TRPC5: variants seen among roughly 807,000 people sequenced by gnomAD.
The protein encoded by TRPC5 is transient receptor potential cation channel subfamily C member 5.
Under a neutral mutation model 56.5 loss-of-function variants are expected in TRPC5, and 9 were observed. The observed-to-expected ratio is 0.16, with a 90% CI of 0.10 to 0.28. The LOEUF is 0.28. Among genes scored for constraint, TRPC5 ranks in the 10% least tolerant of loss-of-function variants. The pLI, the probability that TRPC5 is intolerant of heterozygous loss-of-function variation, is 1.00. For missense variants in TRPC5, 469 were observed against 748.9 expected (o/e 0.63, Z 4.36); for synonymous variants, 282 against 278.5 (o/e 1.01, Z -0.13).
In TRPC5 at chrX:111,769,474, A is replaced by G. The variant is rs1490217211; in HGVS notation, c.*6839T>C. Among the ~76,000 whole-genome samples the G allele has an allele frequency of 8.9e-6, 1 of 111,765 alleles. No homozygotes were observed. Among genetic ancestry groups the G allele is most frequent in the Non-Finnish European group, 1.9e-5 (1 of 53,148 alleles). On this transcript the variant is annotated 3_prime_UTR_variant, in exon 11 of 11. Coordinates refer to ENST00000262839, the MANE Select transcript of TRPC5 (RefSeq NM_012471.3). The stretch of plus-strand genomic sequence containing the variant: ...CCAAGCATAATTGAAACTAGATTCC[A>G]GGATACAAAGGAGAACAAGCATTCT...
At chrX:112,004,414 C>T (rs1928779372) in intron 1 of TRPC5, among the ~76,000 whole-genome samples, 1 of 111,837 alleles carries the variant, frequency 8.9e-6, no homozygotes, top group Non-Finnish European at 1.9e-5. Flanking sequence ...ATGCTGAAGG[C>T]AATCCTGTTC....
chrX:111,978,165 C>T (rs1331667316), intron 1 of TRPC5, among the ~76,000 whole-genome samples: 3 of 111,785 alleles, frequency 2.7e-5, no homozygotes, highest in Non-Finnish European at 5.7e-5. Context: ...AATATTCACT[C>T]CTATGTTCAT....
At chrX:112,012,850 C>A (rs1929026708) in intron 1 of TRPC5, among the ~76,000 whole-genome samples, 1 of 111,899 alleles carries the variant, frequency 8.9e-6, no homozygotes, top group African/African-American at 3.3e-5. Flanking sequence ...TCCTAATGAA[C>A]ACAAGCAGCT....
intron 2 of TRPC5, among the ~76,000 whole-genome samples, chrX:111,914,894 A>G (rs1441209664): frequency 9.0e-6 from 1 of 111,541 alleles, no homozygotes; most frequent in Non-Finnish European, 1.9e-5. Context: ...GCGAGCTCAG[A>G]TGAGAAATCT....
At chrX:111,883,101 A>G (rs1170141933) in intron 3 of TRPC5, among the ~76,000 whole-genome samples, 2 of 110,640 alleles carry the variant, frequency 1.8e-5, no homozygotes, top group East Asian at 5.7e-4. Flanking sequence ...AAAAAAAAAA[A>G]AAAGACCTAG....
chrX:111,875,727 G>GA (rs1221195148), intron 3 of TRPC5, among the ~76,000 whole-genome samples: 7 of 109,318 alleles, frequency 6.4e-5, no homozygotes, highest in South Asian at 4.0e-4. Flanking sequence ...AGCAACTGTA[G>GA]AAAAAAATAA....
At chrX:111,943,480 C>G (rs922405498) in intron 2 of TRPC5, among the ~76,000 whole-genome samples, 1 of 112,028 alleles carries the variant, frequency 8.9e-6, no homozygotes, top group Non-Finnish European at 1.9e-5. Context: ...AACATAAACA[C>G]TTATCAGTGT....
intron 1 of TRPC5, among the ~76,000 whole-genome samples, chrX:112,022,326 C>T (rs145127328): frequency 3.8e-4 from 43 of 112,051 alleles, no homozygotes; most frequent in African/African-American, 5.8e-4. Flanking sequence ...TTGGTTGAAA[C>T]GAAAAGCTGA....
At chrX:111,938,274 C>A (rs1234298070) in intron 2 of TRPC5, among the ~76,000 whole-genome samples, 8 of 91,908 alleles carry the variant, frequency 8.7e-5, no homozygotes, top group Non-Finnish European at 8.5e-5. Context: ...TCTAGATATA[C>A]AATCATGTCG....
chrX:112,025,069 C>T (rs1243127711), intron 1 of TRPC5, among the ~76,000 whole-genome samples: 2 of 112,041 alleles, frequency 1.8e-5, no homozygotes, highest in Admixed American at 1.9e-4. Context: ...ACACAAACCC[C>T]TTGCTTTCTT....
At chrX:111,967,379 A>C (rs1927624078) in intron 1 of TRPC5, among the ~76,000 whole-genome samples, 1 of 111,059 alleles carries the variant, frequency 9.0e-6, no homozygotes, top group South Asian at 3.9e-4. Context: ...AGGAAGAATC[A>C]ATATCGTGAA....
intron 6 of TRPC5, among the ~76,000 whole-genome samples, chrX:111,843,937 T>TGAGA (rs1423979268): frequency 3.4e-5 from 3 of 87,599 alleles, no homozygotes; most frequent in African/African-American, 1.4e-4. Context: ...AGAGAGAGAA[T>TGAGA]GAGAGAGAGA....
intron 1 of TRPC5, among the ~76,000 whole-genome samples, chrX:112,027,607 C>G (rs1929449777): frequency 9.0e-6 from 1 of 111,394 alleles, no homozygotes; most frequent in South Asian, 3.9e-4. Context: ...CGCCATTCTC[C>G]TGCCTCAGCC....
At chrX:112,040,030 T>A (rs142979793) in intron 1 of TRPC5, among the ~76,000 whole-genome samples, 18 of 112,062 alleles carry the variant, frequency 1.6e-4, no homozygotes, top group African/African-American at 5.5e-4. Context: ...GGGGACCAGA[T>A]GGCCATTAAT....
chrX:111,979,689 T>C (rs1468066393), intron 1 of TRPC5, among the ~76,000 whole-genome samples: 1 of 111,628 alleles, frequency 9.0e-6, no homozygotes, highest in Admixed American at 9.5e-5. Flanking sequence ...CCAAAAAGGA[T>C]ATATAAATGG....
At chrX:111,823,880 G>A (rs1218961828) in intron 7 of TRPC5, among the ~76,000 whole-genome samples, 2 of 110,680 alleles carry the variant, frequency 1.8e-5, no homozygotes, top group Non-Finnish European at 3.8e-5. Flanking sequence ...TGAGATGCTG[G>A]CAGGAAAAGA....
rs768998912 is a variant in TRPC5, at chrX:111,928,156, A to G, written c.379-15344T>C. On this transcript the variant is annotated intron_variant, in intron 2 of 10. Coordinates refer to ENST00000262839, the MANE Select transcript of TRPC5 (RefSeq NM_012471.3). ...AACAGGATTCAAAAGTCTCTGTTTCATGGCCATGACTGTGCCCCATCATGA... is the reference window on the plus strand; with the variant it reads ...AACAGGATTCAAAAGTCTCTGTTTCGTGGCCATGACTGTGCCCCATCATGA... 3.6e-5 allele frequency among the ~76,000 whole-genome samples: 4 copies of G among 111,719 alleles called. No homozygotes were observed. In the East Asian group the frequency reaches 1.1e-3, roughly 32 times the overall value.
In TRPC5 at chrX:111,952,274, C is replaced by T; in HGVS notation, c.147G>A (p.Lys49=). The part of the protein sequence containing the change: ...AVEKGDYATV[K]QALQEAEIYY... The stretch of plus-strand genomic sequence containing the variant: ...AGATCTCAGCCTCCTGAAGGGCCTG[C>T]TTCACAGTGGCATAGTCCCCCTTCT... Residue 49 remains lysine, a synonymous_variant, in exon 2 of 11, where the codon AAG becomes AAA. Coordinates refer to ENST00000262839, the MANE Select transcript of TRPC5 (RefSeq NM_012471.3). The T allele has an allele frequency of 1.7e-6, 2 of 1,212,072 alleles. No individual in the cohort carries two copies. Among genetic ancestry groups the T allele is most frequent in the Non-Finnish European group, 2.2e-6 (2 of 895,601 alleles).
chrX:111,905,307 G>A (rs1402809637), intron 3 of TRPC5, among the ~76,000 whole-genome samples: 2 of 110,534 alleles, frequency 1.8e-5, no homozygotes, highest in Non-Finnish European at 3.8e-5. Context: ...ATTTAAAACT[G>A]GTTTTCTTCT....
Sources: allele counts gnomAD v4.1 joint callset (sites outside exome capture counted in the v4.1 genomes callset), GRCh38; gene constraint gnomAD v4.1.1; transcripts MANE v1.5; gene names NCBI Gene and HGNC (gene_info 2026-07-23, HGNC 2026-07-21).